The following TRAPPC9 variants were observed in gnomAD, a reference collection of about 807,000 sequenced individuals.
The protein encoded by TRAPPC9 is trafficking protein particle complex subunit 9, also known as IKK2 binding protein.
A neutral mutation model predicts 124.0 loss-of-function variants in TRAPPC9; 83 were observed. The ratio of observed to expected loss-of-function variants is 0.67; its 90% CI spans 0.56 to 0.80. The LOEUF is 0.80. TRAPPC9 is among the 30% of genes least tolerant of loss of function. TRAPPC9 has a pLI of 0.00. For missense variants in TRAPPC9, 1,302 were observed against 1,508.3 expected (o/e 0.86, Z 2.27); for synonymous variants, 638 against 617.5 (o/e 1.03, Z -0.49).
At chr8:139,882,646 C>T (rs1829743645) in intron 21 of TRAPPC9, among the ~76,000 whole-genome samples, 1 of 152,160 alleles carries the variant, frequency 6.6e-6, no homozygotes, top group Non-Finnish European at 1.5e-5. Context: ...GAAAGGGAGT[C>T]AGCACAGGGG....
chr8:140,081,922 C>G (rs2130012683), intron 17 of TRAPPC9: 1 of 152,494 alleles, frequency 6.6e-6, no homozygotes, highest in East Asian at 1.9e-4. Context: ...AACTAGCACT[C>G]ACTGCAGTTT....
chr8:139,738,007 A>T (rs898665), intron 21 of TRAPPC9, among the ~76,000 whole-genome samples: 151,969 of 152,314 alleles, frequency 1, 75,813 homozygotes, highest in Non-Finnish European at 1. Flanking sequence ...ATTGAGAGGA[A>T]GGACGCAGCA....
chr8:140,373,227 G>A (rs758299389), intron 7 of TRAPPC9, among the ~76,000 whole-genome samples: 3 of 152,188 alleles, frequency 2.0e-5, no homozygotes, highest in Admixed American at 6.5e-5. Context: ...GAATCAGTGG[G>A]GAGGATGACA....
At position 139,907,299 on chromosome 8, in the gene TRAPPC9, A is replaced by G. The variant is rs1217755635; in HGVS notation, c.2964+2848T>C. 6.6e-6 allele frequency among the ~76,000 whole-genome samples: 1 copy of G among 152,168 alleles called. No homozygotes were observed. Among genetic ancestry groups the G allele is most frequent in the East Asian group, 1.9e-4 (1 of 5,192 alleles). ...GCATCTATCCAGACCCATGCGCTAC[A>G]GGTGGGCAACTGCTACAACTATGGA... On this transcript the variant is annotated intron_variant, in intron 20 of 22. Transcript: ENST00000438773. The surrounding 1 kb of genome is among the most constrained non-coding windows in gnomAD (Gnocchi z 4.7).
chr8:139,951,163 G>A (rs903083144), intron 19 of TRAPPC9, among the ~76,000 whole-genome samples: 2 of 152,192 alleles, frequency 1.3e-5, no homozygotes, highest in South Asian at 4.1e-4. Flanking sequence ...ATTGGTATGG[G>A]AAGGAACAAA....
intron 15 of TRAPPC9, among the ~76,000 whole-genome samples, chr8:140,258,657 A>G (rs2064326406): frequency 6.6e-6 from 1 of 152,222 alleles, no homozygotes; most frequent in Non-Finnish European, 1.5e-5. Flanking sequence ...ACATTATATA[A>G]ATATGCACCC....
At chr8:140,192,749 C>G (rs1198671077) in intron 17 of TRAPPC9, among the ~76,000 whole-genome samples, 1 of 152,190 alleles carries the variant, frequency 6.6e-6, no homozygotes, top group Non-Finnish European at 1.5e-5. Flanking sequence ...ATATTTTCCC[C>G]AAACACCCAA....
intron 17 of TRAPPC9, among the ~76,000 whole-genome samples, chr8:140,086,246 A>G (rs1013067683): frequency 6.6e-6 from 1 of 152,138 alleles, no homozygotes; most frequent in Non-Finnish European, 1.5e-5. Flanking sequence ...ATGGAGGATG[A>G]AGAAGGAGGG....
At chr8:139,772,986 G>C (rs1821089257) in intron 21 of TRAPPC9, among the ~76,000 whole-genome samples, 1 of 152,238 alleles carries the variant, frequency 6.6e-6, no homozygotes, top group Non-Finnish European at 1.5e-5. Context: ...TGAAGCAGGT[G>C]AGGCTGGAGG....
chr8:139,874,595 A>G (rs1829199370), intron 21 of TRAPPC9, among the ~76,000 whole-genome samples: 1 of 152,268 alleles, frequency 6.6e-6, no homozygotes, highest in Non-Finnish European at 1.5e-5. Flanking sequence ...GGGAGGCAGC[A>G]GGTATGAAGG....
At chr8:140,272,396 GCGATGGTGATAATGGTGA>G (rs2064970639) in intron 15 of TRAPPC9, among the ~76,000 whole-genome samples, 1 of 145,086 alleles carries the variant, frequency 6.9e-6, no homozygotes, top group Non-Finnish European at 1.5e-5. Flanking sequence ...GGTGATGGTG[GCGATGGTGATAATGGTGA>G]TGGTGATGGT....
chr8:140,259,411 C>T (rs537882474), intron 15 of TRAPPC9, among the ~76,000 whole-genome samples: 94 of 152,264 alleles, frequency 6.2e-4, no homozygotes, highest in Middle Eastern at 6.8e-3. Context: ...TGCCTTTGAA[C>T]CTCACCACCT....
At chr8:140,287,529 T>TC in intron 13 of TRAPPC9, 79 bp downstream of exon 13, 21 of 1,578,284 alleles carry the variant, frequency 1.3e-5, no homozygotes, top group Non-Finnish European at 1.8e-5. Flanking sequence ...TGACGGGCGA[T>TC]CGGCTCTGGA....
intron 19 of TRAPPC9, among the ~76,000 whole-genome samples, chr8:139,983,259 C>T (rs1545720): frequency 0.018 from 2,732 of 152,318 alleles, 38 homozygotes; most frequent in African/African-American, 0.038. Flanking sequence ...CCTCCAGAAT[C>T]TGCCCAGCGT....
chr8:140,383,336 A>T (rs1429160549), intron 7 of TRAPPC9, among the ~76,000 whole-genome samples: 1 of 152,212 alleles, frequency 6.6e-6, no homozygotes, highest in African/African-American at 2.4e-5. Flanking sequence ...GAGTTGAGAG[A>T]AGAAGGCTTC....
chr8:140,195,554 TA>T (rs2062631859), intron 17 of TRAPPC9, among the ~76,000 whole-genome samples: 2 of 151,138 alleles, frequency 1.3e-5, no homozygotes, highest in Admixed American at 1.3e-4. Context: ...CCTGTGACAC[TA>T]AAACACACTC....
At chr8:140,119,875 G>T (rs971496002) in intron 17 of TRAPPC9, among the ~76,000 whole-genome samples, 4 of 152,140 alleles carry the variant, frequency 2.6e-5, no homozygotes, top group South Asian at 2.1e-4. Flanking sequence ...AACTGTTTGT[G>T]GGCTTCTCAA....
chr8:139,953,185 T>C (rs1353633786), intron 19 of TRAPPC9, among the ~76,000 whole-genome samples: 1 of 152,244 alleles, frequency 6.6e-6, no homozygotes, highest in Non-Finnish European at 1.5e-5. Flanking sequence ...ACGTAAAACC[T>C]ACAACTATAA....
chr8:140,078,098 G>A (rs1441045055), intron 17 of TRAPPC9, among the ~76,000 whole-genome samples: 1 of 152,156 alleles, frequency 6.6e-6, no homozygotes, highest in Middle Eastern at 3.2e-3. Flanking sequence ...TACTGTGAAA[G>A]AAAGAAAAAC....
Sources: allele counts gnomAD v4.1 joint callset (sites outside exome capture counted in the v4.1 genomes callset), GRCh38; gene constraint gnomAD v4.1.1; non-coding constraint Gnocchi (gnomAD v3.1); transcripts MANE v1.5; gene names NCBI Gene and HGNC (gene_info 2026-07-23, HGNC 2026-07-21).